ZFP64: variants seen among roughly 807,000 people sequenced by gnomAD.
ZFP64 encodes ZFP64 zinc finger protein.
ZFP64 carries 14 observed loss-of-function variants against 51.6 expected under a neutral mutation model. The ratio of observed to expected loss-of-function variants is 0.27; its 90% CI spans 0.18 to 0.42. ZFP64 has a LOEUF of 0.42. Ranked by LOEUF, ZFP64 falls within the 10% of genes least tolerant of loss-of-function variation. The pLI, the probability that ZFP64 is intolerant of heterozygous loss-of-function variation, is 1.00. For missense variants in ZFP64, 754 were observed against 906.8 expected, an observed-to-expected ratio of 0.83 and a Z score of 2.16; for synonymous variants, 375 against 361.4, an observed-to-expected ratio of 1.04 and a Z score of -0.43.
chr20:52,109,926 A>G (rs1238698245), intron 5 of ZFP64, among the ~76,000 whole-genome samples: 1 of 152,172 alleles, frequency 6.6e-6, no homozygotes. Flanking sequence ...ATTGAAAAGT[A>G]CTTTCTGCAT....
rs1980114196 is a variant in ZFP64 at position 52,138,830 on chromosome 20, C to T, written c.763+21293G>A. Among the ~76,000 whole-genome samples, 3 of 152,106 alleles carry T rather than the reference C, an allele frequency of 2.0e-5. No homozygotes were observed. The South Asian group carries it at 6.2e-4, about 32-fold the overall frequency. ...CTCTACAGAGACTGTGTATTCTTCT[C>T]TAATAGTCACCAAATACGTACAAAA... is the stretch of plus-strand genomic sequence containing the variant. On this transcript the variant is annotated intron_variant, in intron 5 of 8. Transcript: ENST00000361387.
chr20:52,176,505 C>CTCTTTTTTTTTTTTTTTT (rs1555810297), intron 2 of ZFP64, among the ~76,000 whole-genome samples: 7 of 136,726 alleles, frequency 5.1e-5, no homozygotes, highest in African/African-American at 1.9e-4. Flanking sequence ...TTCAATCTCT[C>CTCTTTTTTTTTTTTTTTT]TTTTTTTTTT....
intron 2 of ZFP64, among the ~76,000 whole-genome samples, chr20:52,167,889 G>A (rs2123043360): frequency 6.6e-6 from 1 of 152,228 alleles, no homozygotes; most frequent in East Asian, 1.9e-4. Context: ...CAGGCTCCAG[G>A]TGCTAGTTTG....
chr20:52,160,452 GA>G lies in ZFP64; in HGVS notation c.512-79del. ...AAAGGCTTATTTCCCACTGCCTTAC[GA>G]AAAAAGTCATATACAACCACCGAAG... On this transcript the variant is annotated intron_variant, in intron 4 of 5. Coordinates refer to ENST00000216923, the MANE Select transcript of ZFP64 (RefSeq NM_018197.3). This position sits in a 1 kb window ranked among gnomAD's most constrained non-coding sequence, Gnocchi z 4.2. 1 of 1,511,076 alleles carries G rather than the reference GA, an allele frequency of 6.6e-7. No homozygotes were observed. The highest frequency in any genetic ancestry group is 2.2e-5 in the Admixed American group (1 of 45,584). 93.6% of individuals were successfully genotyped at this position (1,511,076 alleles called of 1,614,324 possible). A position where few individuals can be genotyped will look rare whatever the true frequency, so the allele number is the denominator to read the frequency against.
At chr20:52,097,802 G>A (rs1403007957) in intron 6 of ZFP64, among the ~76,000 whole-genome samples, 1 of 152,096 alleles carries the variant, frequency 6.6e-6, no homozygotes, top group Non-Finnish European at 1.5e-5. Context: ...GAGTGTGGTG[G>A]CCCACACCTG....
chr20:52,111,228 C>T (rs1408396234), intron 5 of ZFP64, among the ~76,000 whole-genome samples: 4 of 112,366 alleles, frequency 3.6e-5, no homozygotes, highest in East Asian at 2.7e-4. Flanking sequence ...TTTTTTGAGA[C>T]GGAGTTTCGC....
At chr20:52,166,152 A>G (rs575628826) in intron 2 of ZFP64, 127 bp from the exon 3 acceptor site, 15 of 832,354 alleles carry the variant, frequency 1.8e-5, no homozygotes, top group South Asian at 5.7e-5. Flanking sequence ...GCGGCTTCAC[A>G]GTGATCATGT....
intron 5 of ZFP64, among the ~76,000 whole-genome samples, chr20:52,101,930 C>T (rs1240787657): frequency 1.1e-5 from 1 of 94,328 alleles, no homozygotes; most frequent in African/African-American, 4.4e-5. Flanking sequence ...CCTGTCTCTA[C>T]TAAAAATACC....
downstream of ZFP64, among the ~76,000 whole-genome samples, chr20:52,151,000 T>A (rs1980764396): frequency 6.6e-6 from 1 of 152,360 alleles, no homozygotes; most frequent in South Asian, 2.1e-4. Flanking sequence ...TTCTAGAAAA[T>A]TCTGTCTTGT....
At chr20:52,139,351 C>G (rs933666436) in intron 5 of ZFP64, among the ~76,000 whole-genome samples, 2 of 152,090 alleles carry the variant, frequency 1.3e-5, no homozygotes, top group Non-Finnish European at 2.9e-5. Context: ...GACTTTGCAG[C>G]AACATAGATG....
chr20:52,085,016 G>A lies in ZFP64; in HGVS notation c.1479C>T (p.His493=). 2 of 1,614,134 alleles carry A rather than the reference G, an allele frequency of 1.2e-6. No homozygotes were observed. Among genetic ancestry groups the A allele is most frequent in the Non-Finnish European group, 1.7e-6 (2 of 1,180,040 alleles). The change falls in exon 9 of 9, where the codon CAC becomes CAT. Residue 493 remains histidine, a synonymous_variant. Coordinates refer to the ZFP64 transcript ENST00000361387. This position sits in a 1 kb window ranked among gnomAD's most constrained non-coding sequence, Gnocchi z 4.3. Reference sequence around the variant, plus strand: ...AGCTGCACTCTGGACACTTCTCCGGGTGGTCGGCCTGGTGCAGCCGGCTGT... The same window carrying A: ...AGCTGCACTCTGGACACTTCTCCGGATGGTCGGCCTGGTGCAGCCGGCTGT...
intron 7 of ZFP64, among the ~76,000 whole-genome samples, chr20:52,096,270 G>C (rs972499321): frequency 6.6e-6 from 1 of 152,128 alleles, no homozygotes; most frequent in Admixed American, 6.5e-5. Context: ...AGGTCACAAG[G>C]GCCGCTGCTT....
Position 52,152,499 on chromosome 20 carries a change from TCATTGCGCCCGCCTCGCTCGGACACCG to T in ZFP64, c.1666_1692del (p.Arg556_Met564del). On this transcript the variant is annotated inframe_deletion, in exon 6 of 6. Transcript: ENST00000216923. Reference sequence around the variant, plus strand: ...GTGGTCAGCAGGACAGCCGGCTGGGTCATTGCGCCCGCCTCGCTCGGACACCGCGAGGACTGAGGGGGGGCGATCAGA... The same window carrying T: ...GTGGTCAGCAGGACAGCCGGCTGGGTCGAGGACTGAGGGGGGGCGATCAGA... 1 of 1,609,264 alleles carries T rather than the reference TCATTGCGCCCGCCTCGCTCGGACACCG, an allele frequency of 6.2e-7. No homozygotes were observed. Among genetic ancestry groups the T allele is most frequent in the Non-Finnish European group, 8.5e-7 (1 of 1,178,036 alleles).
At position 52,151,998 on chromosome 20, in the gene ZFP64, C is replaced by A; in HGVS notation, c.*148G>T. ...GTTGCAGTGAGCCAAGATAGCGCCA[C>A]TGCACTCCAGCCTGGGAAACAGAGC... On this transcript the variant is annotated 3_prime_UTR_variant, in exon 6 of 6. Transcript: ENST00000216923. 7.0e-7 allele frequency: 1 copy of A among 1,426,134 alleles called. No homozygotes were observed. Among genetic ancestry groups the A allele is most frequent in the Non-Finnish European group, 9.2e-7 (1 of 1,090,512 alleles). 88.3% of individuals were successfully genotyped at this position (1,426,134 alleles called of 1,614,324 possible).
At chr20:52,084,768 G>T in exon 9 of ZFP64, 2 of 1,614,226 alleles carry the variant, frequency 1.2e-6, no homozygotes, top group East Asian at 4.5e-5. Flanking sequence ...GGCCCTCTGC[G>T]TCACGATCTT....
chr20:52,118,764 G>T (rs963611277), intron 5 of ZFP64, among the ~76,000 whole-genome samples: 3 of 152,222 alleles, frequency 2.0e-5, no homozygotes, highest in African/African-American at 4.8e-5. Flanking sequence ...TGTGATAAAG[G>T]TTCTCACAGA....
intron 5 of ZFP64, among the ~76,000 whole-genome samples, chr20:52,113,468 C>T (rs1353978930): frequency 7.6e-6 from 1 of 130,724 alleles, no homozygotes; most frequent in Non-Finnish European, 1.6e-5. Context: ...CGCTCTGGTG[C>T]CCTGGCTAGG....
intron 6 of ZFP64, chr20:52,097,535 A>G: frequency 1.9e-6 from 2 of 1,075,296 alleles, no homozygotes; most frequent in Non-Finnish European, 2.7e-6. Flanking sequence ...GCTCACTGCA[A>G]CCTCCGCCTC....
chr20:52,097,564 CCT>C (rs1397060360), intron 6 of ZFP64: 2 of 769,276 alleles, frequency 2.6e-6, no homozygotes, highest in Non-Finnish European at 4.1e-6. Flanking sequence ...AAGAGATTAC[CCT>C]GTTTCAGCCT....
Sources: allele counts gnomAD v4.1 joint callset (sites outside exome capture counted in the v4.1 genomes callset), GRCh38; gene constraint gnomAD v4.1.1; non-coding constraint Gnocchi (gnomAD v3.1); transcripts MANE v1.5; gene names NCBI Gene and HGNC (gene_info 2026-07-23, HGNC 2026-07-21).